The following PCDHA8 variants were observed in gnomAD, a reference collection of about 807,000 sequenced individuals.
PCDHA8 encodes protocadherin alpha-8.
PCDHA8 carries 53 observed loss-of-function variants against 61.8 expected under a neutral mutation model. The ratio of observed to expected loss-of-function variants is 0.86; its 90% confidence interval spans 0.69 to 1.08. The LOEUF (loss-of-function observed/expected upper bound fraction) is 1.08, where lower values mean the gene tolerates loss of function less well. PCDHA8 is among the 50% of genes least tolerant of loss of function. The pLI is 0.00. For synonymous variants in PCDHA8, 618 were observed against 556.6 expected, an observed-to-expected ratio of 1.11 and a Z score of -1.55; for missense variants, 1,293 against 1,245.0, an observed-to-expected ratio of 1.04 and a Z score of -0.58.
chr5:140,997,719 C>T (rs1456038917), intron 3 of PCDHA8, among the ~76,000 whole-genome samples: 1 of 150,932 alleles, frequency 6.6e-6, no homozygotes, highest in East Asian at 1.9e-4. Context: ...CACCTTTCTA[C>T]GTCAGTACAT....
At chr5:140,948,735 A>C (rs756182090) in intron 1 of PCDHA8, among the ~76,000 whole-genome samples, 3 of 151,562 alleles carry the variant, frequency 2.0e-5, no homozygotes, top group Non-Finnish European at 4.4e-5. Flanking sequence ...AGTCTAGCTG[A>C]GAATTTATCA....
Position 140,883,341 on chromosome 5 carries a change from C to A in PCDHA8, c.2394+39626C>A, listed in dbSNP as rs144000682. The A allele has an allele frequency of 4.3e-5, 70 of 1,614,144 alleles. No homozygotes were observed. The African/African-American group carries it at 9.1e-4, about 21-fold the overall frequency. The stretch of plus-strand genomic sequence containing the variant: ...GTTACCATCACTTCTTTGTCACTCC[C>A]CATCAGAGAAGACACTCAGCCTAGC... On this transcript the variant is annotated intron_variant, in intron 1 of 3. Transcript: ENST00000531613.
chr5:140,946,828 G>A (rs246052), intron 1 of PCDHA8, among the ~76,000 whole-genome samples: 84,737 of 150,610 alleles, frequency 0.56, 24,429 homozygotes, highest in African/African-American at 0.69. Context: ...CCAGAGATGG[G>A]TAGGGCAGTA....
At chr5:141,006,528 T>A (rs1161709459) in intron 3 of PCDHA8, among the ~76,000 whole-genome samples, 1 of 152,092 alleles carries the variant, frequency 6.6e-6, no homozygotes, top group African/African-American at 2.4e-5. Context: ...ACATCAGTTT[T>A]TAAAGAGAGA....
chr5:140,892,941 A>G (rs1554185454), intron 1 of PCDHA8, among the ~76,000 whole-genome samples: 1 of 152,178 alleles, frequency 6.6e-6, no homozygotes, highest in African/African-American at 2.4e-5. Context: ...GATAAGCACA[A>G]TACTACTTCC....
rs564411271 is a variant in PCDHA8, at chr5:140,916,111, G to A, written c.2395-62838G>A. 1.9e-3 allele frequency among the ~76,000 whole-genome samples: 289 copies of A among 152,268 alleles called. 1 individual carries two copies. The highest frequency in any genetic ancestry group is 6.6e-3 in the African/African-American group (274 of 41,540). ...ACAGGGAATCTGCCTGGCCACTGCT[G>A]ATGTTCACTTAAAGCTTAAGGGCTG... On this transcript the variant is annotated intron_variant, in intron 1 of 3. Coordinates refer to ENST00000531613, the MANE Select transcript of PCDHA8 (RefSeq NM_018911.3).
intron 1 of PCDHA8, among the ~76,000 whole-genome samples, chr5:140,936,248 G>A (rs2090860399): frequency 6.6e-6 from 1 of 152,086 alleles, no homozygotes; most frequent in Admixed American, 6.5e-5. Context: ...AACATATCCT[G>A]CTTCAAGTCA....
chr5:140,853,773 G>T lies in PCDHA8; in HGVS notation c.2394+10058G>T, dbSNP rs1314625859. The T allele has an allele frequency of 6.1e-6, 6 of 987,764 alleles. No homozygotes were observed. The African/African-American group carries it at 1.1e-4, about 17-fold the overall frequency. 61.2% of individuals were successfully genotyped at this position (987,764 alleles called of 1,614,324 possible). On this transcript the variant is annotated intron_variant, in intron 1 of 3. Transcript: ENST00000531613. ...GGCTCCACCTCAGAAATTCTGAAAT[G>T]GGTAGTAAGAGCAAATTTTCATTTT...
chr5:140,942,808 C>T (rs1175421349), intron 1 of PCDHA8, among the ~76,000 whole-genome samples: 1 of 151,920 alleles, frequency 6.6e-6, no homozygotes, highest in East Asian at 1.9e-4. Context: ...TTTCCACAAA[C>T]TAGTTGGATT....
intron 3 of PCDHA8, among the ~76,000 whole-genome samples, chr5:140,991,572 G>A (rs782016422): frequency 1.3e-4 from 20 of 152,144 alleles, no homozygotes; most frequent in Non-Finnish European, 2.9e-4. Flanking sequence ...TCCAATAACA[G>A]GCTCCTTATT....
At chr5:140,998,099 CAGA>C (rs2097796305) in intron 3 of PCDHA8, among the ~76,000 whole-genome samples, 1 of 152,130 alleles carries the variant, frequency 6.6e-6, no homozygotes, top group African/African-American at 2.4e-5. Context: ...CTAGAGCAAA[CAGA>C]GGAGAAAATT....
intron 1 of PCDHA8, among the ~76,000 whole-genome samples, chr5:140,897,888 G>C (rs1554187649): frequency 6.6e-6 from 1 of 152,150 alleles, no homozygotes; most frequent in Non-Finnish European, 1.5e-5. Flanking sequence ...ATTCTAACTG[G>C]TGTGAGATGG....
intron 1 of PCDHA8, chr5:140,850,308 G>C: frequency 6.3e-7 from 1 of 1,597,160 alleles, no homozygotes; most frequent in Non-Finnish European, 8.6e-7. Flanking sequence ...GGGCTACAAC[G>C]CGTGGCTTTC....
intron 1 of PCDHA8, among the ~76,000 whole-genome samples, chr5:140,949,115 T>G (rs2094346093): frequency 6.6e-6 from 1 of 151,756 alleles, no homozygotes; most frequent in African/African-American, 2.4e-5. Context: ...TACAAATATT[T>G]TTGGTTTTCC....
At position 140,924,894 on chromosome 5, in the gene PCDHA8, C is replaced by CAAAAAA. The variant is rs782133089; in HGVS notation, c.2395-54049_2395-54044dup. Among the ~76,000 whole-genome samples, 6 of 71,470 alleles carry CAAAAAA rather than the reference C, an allele frequency of 8.4e-5. No homozygotes were observed. In the East Asian group the frequency reaches 2.6e-3, roughly 31 times the overall value. 46.9% of individuals were successfully genotyped at this position (71,470 alleles called of 152,430 possible). A position where few individuals can be genotyped will look rare whatever the true frequency, so the allele number is the denominator to read the frequency against. On this transcript the variant is annotated intron_variant, in intron 1 of 3. Transcript: ENST00000531613. ...TGGGTGACAGAGCAAGAACCTGTCT[C>CAAAAAA]AAAAAAAAAAATAAAATAAAATAAA... is the stretch of plus-strand genomic sequence containing the variant.
chr5:140,877,262 T>C (rs1554169532), intron 1 of PCDHA8: 2 of 1,613,670 alleles, frequency 1.2e-6, no homozygotes, highest in South Asian at 2.2e-5. Flanking sequence ...GTGCGCGCGG[T>C]GGACGCTGAC....
At chr5:140,861,660 G>C (rs1410564922) in intron 1 of PCDHA8, 1 of 269,190 alleles carries the variant, frequency 3.7e-6, no homozygotes, top group Admixed American at 4.3e-5. Context: ...TCTGAAACGA[G>C]AGCTCTTGAT....
intron 1 of PCDHA8, among the ~76,000 whole-genome samples, chr5:140,919,973 A>T (rs1554199334): frequency 7.5e-6 from 1 of 133,994 alleles, no homozygotes; most frequent in Non-Finnish European, 1.7e-5. Context: ...TAAATAAGAG[A>T]TAGAAGATGG....
chr5:140,951,503 A>G (rs1554219922), intron 1 of PCDHA8, among the ~76,000 whole-genome samples: 1 of 151,992 alleles, frequency 6.6e-6, no homozygotes, highest in African/African-American at 2.4e-5. Flanking sequence ...AGGCAAAAGG[A>G]AAGCGGCTCA....
Sources: gnomAD v4.1 joint callset for allele counts (sites outside exome capture counted in the v4.1 genomes callset) on GRCh38, gnomAD v4.1.1 for gene constraint, MANE v1.5 for transcripts, NCBI Gene and HGNC (gene_info 2026-07-23, HGNC 2026-07-21) for gene names.